The following HOXC4 variants were observed in gnomAD, a reference collection of about 807,000 sequenced individuals.
HOXC4 encodes homeobox C4.
In HOXC4, 15 loss-of-function variants were observed where a neutral mutation model predicts 25.5. The ratio of observed to expected loss-of-function variants is 0.59; its 90% CI spans 0.39 to 0.91. The LOEUF is 0.91. Among genes scored for constraint, HOXC4 ranks in the 40% least tolerant of loss-of-function variants. The pLI, the probability that HOXC4 is intolerant of heterozygous loss-of-function variation, is 0.00. For missense variants in HOXC4, 342 were observed against 352.4 expected, an observed-to-expected ratio of 0.97 and a Z score of 0.24; for synonymous variants, 165 against 148.0, an observed-to-expected ratio of 1.11 and a Z score of -0.83.
rs749176469 is a variant in HOXC4 at position 54,034,396 on chromosome 12, C to T, written c.-124+16982C>T. ...GCAGGCGCATAGAGATCGCCAACAA[C>T]TTGTGTCTCAATGAGAGACAGATCA... On this transcript the variant is annotated intron_variant, in intron 1 of 3. Transcript: ENST00000303406. 1.9e-5 allele frequency: 30 copies of T among 1,614,078 alleles called. No homozygotes were observed. In the Admixed American group the frequency reaches 4.7e-4, roughly 25 times the overall value.
intron 1 of HOXC4, chr12:54,034,630 C>G: frequency 1.4e-6 from 1 of 719,566 alleles, no homozygotes; most frequent in Non-Finnish European, 2.3e-6. Flanking sequence ...CAGACAAAAG[C>G]GCTTTTCCTT....
chr12:54,055,268 TCTTA>T lies in HOXC4; in HGVS notation c.*64_*67del, dbSNP rs1937950757. 1 of 514,248 alleles carries T rather than the reference TCTTA, an allele frequency of 1.9e-6. No individual in the cohort carries two copies. The highest frequency in any genetic ancestry group is 3.1e-6 in the Non-Finnish European group (1 of 324,644). The allele number at this position is 514,248 out of a possible 1,614,324, so 31.9% of individuals were successfully genotyped here. On this transcript the variant is annotated 3_prime_UTR_variant, in exon 2 of 2. Transcript: ENST00000430889. Reference sequence around the variant, plus strand: ...ACCCTCCCCTCACACACAAATTGACTCTTATTTATAGAATTTAATATATATATAT... The same window carrying T: ...ACCCTCCCCTCACACACAAATTGACTTTTATAGAATTTAATATATATATAT...
intron 1 of HOXC4, among the ~76,000 whole-genome samples, chr12:54,036,934 A>T (rs1459912477): frequency 6.6e-6 from 1 of 152,156 alleles, no homozygotes; most frequent in Non-Finnish European, 1.5e-5. Flanking sequence ...GGGCTTTGTC[A>T]TAGATAGGGG....
chr12:54,054,463 C>T, intron 1 of HOXC4, 102 bp downstream of exon 1: 2 of 753,424 alleles, frequency 2.7e-6, no homozygotes, highest in Non-Finnish European at 4.3e-6. Flanking sequence ...TCTCTCCTTC[C>T]CCCTCTCTCT....
At chr12:54,044,585 T>C (rs568634167) in intron 1 of HOXC4, among the ~76,000 whole-genome samples, 2 of 152,242 alleles carry the variant, frequency 1.3e-5, no homozygotes, top group Admixed American at 6.5e-5. Flanking sequence ...ACAGAGTTCA[T>C]AGGAGCTAGG....
At chr12:54,024,912 C>G (rs1940624099) in intron 1 of HOXC4, among the ~76,000 whole-genome samples, 1 of 152,260 alleles carries the variant, frequency 6.6e-6, no homozygotes, top group Non-Finnish European at 1.5e-5. Context: ...TTGGAGAGGA[C>G]TGGAGAAGCA....
At chr12:54,020,804 G>C (rs1940400338) in intron 1 of HOXC4, 1 of 152,146 alleles carries the variant, frequency 6.6e-6, no homozygotes, top group Non-Finnish European at 1.5e-5. Context: ...GTAACCAATG[G>C]ATGCCATAAA....
chr12:54,026,622 G>A (rs1940710741), intron 1 of HOXC4, among the ~76,000 whole-genome samples: 2 of 152,182 alleles, frequency 1.3e-5, no homozygotes, highest in East Asian at 3.9e-4. Context: ...GAGGATTGGG[G>A]CTGTATTTTC....
At chr12:54,023,187 A>G (rs1198303342) in intron 1 of HOXC4, among the ~76,000 whole-genome samples, 4 of 152,182 alleles carry the variant, frequency 2.6e-5, no homozygotes. Flanking sequence ...CTTGGGCACC[A>G]GCCCCCAAAA....
At chr12:54,048,932 G>A (rs1462401951), upstream of HOXC4, among the ~76,000 whole-genome samples, 1 of 152,178 alleles carries the variant, frequency 6.6e-6, no homozygotes, top group African/African-American at 2.4e-5. Context: ...TCACCAACCT[G>A]CCGCACAGCA....
chr12:54,024,057 G>A lies in HOXC4; in HGVS notation c.-124+6643G>A, dbSNP rs375989766. Among the ~76,000 whole-genome samples the A allele has an allele frequency of 1.1e-4, 17 of 152,212 alleles. 1 individual carries two copies. In the South Asian group the frequency reaches 2.7e-3, roughly 24 times the overall value. ...AAAAAAGTCTAATCATAGACCAATC[G>A]GGCCAACTGAGCAGTCGCTCCAGAA... On this transcript the variant is annotated intron_variant, in intron 1 of 3. Transcript: ENST00000303406.
intron 1 of HOXC4, among the ~76,000 whole-genome samples, chr12:54,024,588 T>A (rs1248035393): frequency 6.6e-6 from 1 of 152,182 alleles, no homozygotes; most frequent in East Asian, 1.9e-4. Context: ...AATTAATATA[T>A]TTCCCAGAGC....
chr12:54,039,428 C>T (rs149316634), intron 1 of HOXC4, among the ~76,000 whole-genome samples: 70 of 152,236 alleles, frequency 4.6e-4, no homozygotes, highest in African/African-American at 1.3e-3. Context: ...GGGTCTCTCA[C>T]TTGCATGAGG....
chr12:54,045,068 G>A (rs567063963), intron 1 of HOXC4, among the ~76,000 whole-genome samples: 9 of 152,272 alleles, frequency 5.9e-5, no homozygotes, highest in Admixed American at 1.3e-4. Flanking sequence ...TAGCACTTGC[G>A]AAGTCTCTAG....
chr12:54,040,708 A>T (rs1263556983), intron 1 of HOXC4, among the ~76,000 whole-genome samples: 1 of 152,204 alleles, frequency 6.6e-6, no homozygotes, highest in Non-Finnish European at 1.5e-5. Flanking sequence ...CTGAATTCAA[A>T]TTCTGGCTGT....
intron 1 of HOXC4, chr12:54,033,414 A>T: frequency 6.2e-7 from 1 of 1,609,864 alleles, no homozygotes. Context: ...GAACCCCGGG[A>T]TGTACAGTCA....
At chr12:54,043,061 G>A (rs1244103648) in intron 1 of HOXC4, among the ~76,000 whole-genome samples, 1 of 152,242 alleles carries the variant, frequency 6.6e-6, no homozygotes, top group African/African-American at 2.4e-5. Context: ...GAAGCGGTAT[G>A]GGTGTGCAAT....
At chr12:54,026,135 G>T (rs1310202076) in intron 1 of HOXC4, among the ~76,000 whole-genome samples, 4 of 152,164 alleles carry the variant, frequency 2.6e-5, no homozygotes, top group Non-Finnish European at 4.4e-5. Context: ...GGGGGGGACA[G>T]AGTTACTCTC....
chr12:54,025,832 C>T (rs1045521051), intron 1 of HOXC4, among the ~76,000 whole-genome samples: 3 of 152,126 alleles, frequency 2.0e-5, no homozygotes, highest in African/African-American at 7.2e-5. Flanking sequence ...GGGCCCCTTT[C>T]CTCTCCAGAC....
Sources: gnomAD v4.1 joint callset for allele counts (sites outside exome capture counted in the v4.1 genomes callset) on GRCh38, gnomAD v4.1.1 for gene constraint, MANE v1.5 for transcripts, NCBI Gene and HGNC (gene_info 2026-07-23, HGNC 2026-07-21) for gene names.